LINGO2: variants seen among roughly 807,000 people sequenced by gnomAD.
The protein encoded by LINGO2 is leucine-rich repeat and immunoglobulin-like domain-containing nogo receptor-interacting protein 2.
Under a neutral mutation model 30.6 loss-of-function variants are expected in LINGO2, and 14 were observed. That is an observed-to-expected ratio of 0.46 (90% confidence interval 0.30 to 0.72). The LOEUF is 0.72. Among genes scored for constraint, LINGO2 ranks in the 30% least tolerant of loss-of-function variants. LINGO2 has a pLI of 0.07. For synonymous variants in LINGO2, 317 were observed against 288.5 expected, an observed-to-expected ratio of 1.10 and a Z score of -1.00; for missense variants, 729 against 751.7, an observed-to-expected ratio of 0.97 and a Z score of 0.35.
the LINGO2 span, among the ~76,000 whole-genome samples, chr9:28,763,023 C>G: frequency 6.6e-6 from 1 of 152,210 alleles, no homozygotes; most frequent in South Asian, 2.1e-4. Context: ...TTATCTACTT[C>G]ACAGTTTATT....
chr9:28,360,929 T>C (rs1167388227), intron 3 of LINGO2, among the ~76,000 whole-genome samples: 1 of 152,148 alleles, frequency 6.6e-6, no homozygotes, highest in Non-Finnish European at 1.5e-5. Flanking sequence ...TTAAATACAA[T>C]AGTCCCCCCC....
the LINGO2 span, among the ~76,000 whole-genome samples, chr9:28,690,531 A>C: frequency 6.6e-6 from 1 of 152,174 alleles, no homozygotes; most frequent in Non-Finnish European, 1.5e-5. Flanking sequence ...CTTAGTAGGA[A>C]AATTTGTTGT....
chr9:28,040,106 C>T (rs566439910), intron 4 of LINGO2, among the ~76,000 whole-genome samples: 3 of 152,274 alleles, frequency 2.0e-5, no homozygotes, highest in African/African-American at 7.2e-5. Context: ...GACTATAAAT[C>T]AAATGTTGAA....
At chr9:28,561,567 T>TATATAATATAATATATTTAG (rs1823059406) in intron 1 of LINGO2, among the ~76,000 whole-genome samples, 1 of 138,368 alleles carries the variant, frequency 7.2e-6, no homozygotes, top group Admixed American at 7.3e-5. Flanking sequence ...AATAGATTTA[T>TATATAATATAATATATTTAG]ATATAATATA....
At chr9:28,091,558 G>A (rs1225885286) in intron 4 of LINGO2, among the ~76,000 whole-genome samples, 1 of 152,128 alleles carries the variant, frequency 6.6e-6, no homozygotes. Context: ...ATTCAAGATG[G>A]ATTAAAGCTT....
the LINGO2 span, among the ~76,000 whole-genome samples, chr9:28,802,633 G>A: frequency 2.0e-5 from 3 of 152,024 alleles, no homozygotes; most frequent in African/African-American, 7.2e-5. Context: ...ATGTTGGGTA[G>A]CATGGAACGT....
intron 5 of LINGO2, among the ~76,000 whole-genome samples, chr9:27,999,421 A>G (rs1821830304): frequency 6.7e-6 from 1 of 148,584 alleles, no homozygotes; most frequent in South Asian, 2.2e-4. Context: ...CGACTTAATC[A>G]CAGTGCCTAA....
chr9:28,876,730 T>C, the LINGO2 span, among the ~76,000 whole-genome samples: 22 of 152,174 alleles, frequency 1.4e-4, no homozygotes, highest in African/African-American at 4.1e-4. Flanking sequence ...GGTGTCTTTA[T>C]AGCAGCATGA....
the LINGO2 span, among the ~76,000 whole-genome samples, chr9:28,770,161 G>A: frequency 4.6e-5 from 7 of 152,072 alleles, no homozygotes; most frequent in East Asian, 1.9e-4. Context: ...AGCTCCTTCC[G>A]TTCAATTTTG....
intron 4 of LINGO2, among the ~76,000 whole-genome samples, chr9:28,239,747 CA>C (rs1821713976): frequency 6.6e-6 from 1 of 152,124 alleles, no homozygotes; most frequent in Admixed American, 6.5e-5. Context: ...TCACTTTCAC[CA>C]TTGTTATTCA....
At chr9:28,844,583 C>A in the LINGO2 span, among the ~76,000 whole-genome samples, 3 of 151,666 alleles carry the variant, frequency 2.0e-5, no homozygotes, top group Non-Finnish European at 4.4e-5. Context: ...CCATCCTGAG[C>A]TGATTTTTTG....
At chr9:28,782,780 C>A in the LINGO2 span, among the ~76,000 whole-genome samples, 2 of 152,112 alleles carry the variant, frequency 1.3e-5, no homozygotes, top group African/African-American at 2.4e-5. Flanking sequence ...TTAGAAAGTA[C>A]AGTCATGCAT....
intron 2 of LINGO2, among the ~76,000 whole-genome samples, chr9:28,390,165 G>A (rs1340781197): frequency 6.6e-6 from 1 of 152,076 alleles, no homozygotes; most frequent in African/African-American, 2.4e-5. Context: ...TCCTACCTCA[G>A]CTCATTGCTT....
At chr9:28,613,022 T>A (rs1825984739) in intron 1 of LINGO2, among the ~76,000 whole-genome samples, 1 of 152,110 alleles carries the variant, frequency 6.6e-6, no homozygotes, top group East Asian at 1.9e-4. Flanking sequence ...GTTGATTTTA[T>A]AAGTGTTTGG....
intron 2 of LINGO2, among the ~76,000 whole-genome samples, chr9:28,426,756 T>C (rs1564191907): frequency 6.6e-6 from 1 of 152,020 alleles, no homozygotes; most frequent in Non-Finnish European, 1.5e-5. Context: ...AAAGGGAAAT[T>C]GCATCGAGCA....
chr9:28,931,109 C>G, the LINGO2 span, among the ~76,000 whole-genome samples: 5 of 152,142 alleles, frequency 3.3e-5, no homozygotes, highest in Non-Finnish European at 7.4e-5. Flanking sequence ...CTTGCCGTGG[C>G]AAATAAACTG....
At chr9:29,146,207 T>C in the LINGO2 span, among the ~76,000 whole-genome samples, 1 of 151,974 alleles carries the variant, frequency 6.6e-6, no homozygotes, top group Admixed American at 6.6e-5. Context: ...AATACAAAAA[T>C]TAGCTAAGCG....
chr9:28,659,220 T>C (rs1828487325), intron 1 of LINGO2, among the ~76,000 whole-genome samples: 1 of 152,032 alleles, frequency 6.6e-6, no homozygotes, highest in African/African-American at 2.4e-5. Context: ...AGAGGTAATA[T>C]ACAGATAGAC....
At chr9:28,007,833 A>C (rs1019835274) in intron 5 of LINGO2, among the ~76,000 whole-genome samples, 6 of 152,182 alleles carry the variant, frequency 3.9e-5, no homozygotes, top group Non-Finnish European at 8.8e-5. Flanking sequence ...GTCACAAAAG[A>C]AATCAAGATT....
Sources: allele counts gnomAD v4.1 joint callset (sites outside exome capture counted in the v4.1 genomes callset), GRCh38; gene constraint gnomAD v4.1.1; transcripts MANE v1.5; gene names NCBI Gene and HGNC (gene_info 2026-07-23, HGNC 2026-07-21).